The following LYST variants were observed in gnomAD, a reference collection of about 807,000 sequenced individuals.
The protein encoded by LYST is lysosomal-trafficking regulator.
Under a neutral mutation model 413.6 loss-of-function variants are expected in LYST, and 192 were observed. The ratio of observed to expected loss-of-function variants is 0.46; its 90% CI spans 0.41 to 0.52. LYST has a LOEUF of 0.52. Among genes scored for constraint, LYST ranks in the 20% least tolerant of loss-of-function variants. The pLI, the probability that LYST is intolerant of heterozygous loss-of-function variation, is 0.00. For synonymous variants in LYST, 1,525 were observed against 1,567.3 expected (o/e 0.97, Z 0.64); for missense variants, 3,815 against 4,499.9 (o/e 0.85, Z 4.35).
chr1:235,674,978 G>GA lies in LYST; in HGVS notation c.11038+2112dup, dbSNP rs933446448. On this transcript the variant is annotated intron_variant, in intron 50 of 52. Transcript: ENST00000389793. The surrounding 1 kb of genome is among the most constrained non-coding windows in gnomAD (Gnocchi z 4.1). ...TCGTGGATCAAGGCAAAGGCTTATAGAAAAAGCTCTTACCAAAACCTCTCT... is the reference window on the plus strand; with the variant it reads ...TCGTGGATCAAGGCAAAGGCTTATAGAAAAAAGCTCTTACCAAAACCTCTCT... 6.6e-6 allele frequency among the ~76,000 whole-genome samples: 1 copy of GA among 152,128 alleles called. No homozygotes were observed. Among genetic ancestry groups the GA allele is most frequent in the Admixed American group, 6.5e-5 (1 of 15,272 alleles).
intron 11 of LYST, among the ~76,000 whole-genome samples, chr1:235,792,386 C>A (rs1671098881): frequency 6.6e-6 from 1 of 151,998 alleles, no homozygotes; most frequent in Non-Finnish European, 1.5e-5. Flanking sequence ...ACAATCTCGG[C>A]TCACTGCAAC....
intron 16 of LYST, among the ~76,000 whole-genome samples, chr1:235,780,068 G>A (rs1465339541): frequency 6.6e-6 from 1 of 152,036 alleles, no homozygotes; most frequent in Non-Finnish European, 1.5e-5. Context: ...AGCAGAATTA[G>A]CAATACTTTG....
rs148820427 is a variant in LYST at position 235,835,319 on chromosome 1, T to C, written c.-97-1652A>G. On this transcript the variant is annotated intron_variant, in intron 1 of 52. Transcript: ENST00000389793. ...AACTGTAAGCCTAAAGATGGTATTATATTAGCTGCTCTGACTACTACCACC... is the reference window on the plus strand; with the variant it reads ...AACTGTAAGCCTAAAGATGGTATTACATTAGCTGCTCTGACTACTACCACC... 2.2e-3 allele frequency among the ~76,000 whole-genome samples: 341 copies of C among 152,326 alleles called. 1 individual carries two copies. Among genetic ancestry groups the C allele is most frequent in the Middle Eastern group, 0.017 (5 of 294 alleles).
At chr1:235,710,024 C>A (rs1310720868) in intron 43 of LYST, among the ~76,000 whole-genome samples, 1 of 152,130 alleles carries the variant, frequency 6.6e-6, no homozygotes, top group East Asian at 1.9e-4. Context: ...GGAAATGTTA[C>A]CTTTAAACAG....
At chr1:235,787,170 T>C (rs1031098079) in intron 14 of LYST, 30 bp downstream of exon 14, 4 of 1,547,194 alleles carry the variant, frequency 2.6e-6, no homozygotes, top group Non-Finnish European at 3.6e-6. Context: ...TAACTGAGAT[T>C]GAGATGCATT....
intron 18 of LYST, 116 bp from the exon 19 acceptor site, chr1:235,774,107 A>G: frequency 1.4e-6 from 1 of 729,844 alleles, no homozygotes. Flanking sequence ...AAGCTAGTAA[A>G]TAATTTAACA....
rs977863243 is a variant in LYST at position 235,679,169 on chromosome 1, G to A, written c.10801-1550C>T. Reference sequence around the variant, plus strand: ...ACCTTCACCTGAAAACAATCACAGCGACCAGATCAGCTTTTAACAACAGCA... The same window carrying A: ...ACCTTCACCTGAAAACAATCACAGCAACCAGATCAGCTTTTAACAACAGCA... On this transcript the variant is annotated intron_variant, in intron 48 of 52. Transcript: ENST00000389793. 4.6e-5 allele frequency among the ~76,000 whole-genome samples: 7 copies of A among 152,286 alleles called. No individual in the cohort carries two copies. The South Asian group carries it at 6.2e-4, about 14-fold the overall frequency.
chr1:235,753,483 C>T (rs1013409584), intron 25 of LYST, among the ~76,000 whole-genome samples: 1 of 152,146 alleles, frequency 6.6e-6, no homozygotes, highest in Non-Finnish European at 1.5e-5. Context: ...AAGATAAATA[C>T]ACAAACATTC....
At chr1:235,870,782 A>T (rs535673101), upstream of LYST, among the ~76,000 whole-genome samples, 1 of 152,368 alleles carries the variant, frequency 6.6e-6, no homozygotes, top group Admixed American at 6.5e-5. Flanking sequence ...CCTGGCACTT[A>T]GTAGGCACTC....
intron 39 of LYST, among the ~76,000 whole-genome samples, chr1:235,723,694 A>T (rs1041682412): frequency 6.6e-6 from 1 of 152,246 alleles, no homozygotes; most frequent in African/African-American, 2.4e-5. Context: ...GGCAGCAAGC[A>T]TATGCAACTT....
chr1:235,759,372 C>T lies in LYST; in HGVS notation c.6481G>A (p.Glu2161Lys). The T allele has an allele frequency of 6.2e-7, 1 of 1,614,166 alleles. No individual in the cohort carries two copies. Among genetic ancestry groups the T allele is most frequent in the Non-Finnish European group, 8.5e-7 (1 of 1,180,008 alleles). ...TCACAGCTACTGATGAATGCGTCCT[C>T]TTTGCCTTTTTTCAGTGTGTCGGAA... Reference protein sequence around the residue: ...GSSDTLKKGKEDAFISSCESA... With the variant: ...GSSDTLKKGKKDAFISSCESA... The change falls in exon 23 of 53, where the codon GAG (glutamate) becomes AAG (lysine). Residue 2161 changes from glutamate to lysine, a missense_variant. Around this residue, in one of 4 missense-constraint regions of LYST, gnomAD observed 771 missense variants for 837.1 expected, o/e 0.92. Transcript: ENST00000389793.
chr1:235,775,964 A>G (rs899228632), intron 17 of LYST, among the ~76,000 whole-genome samples: 3 of 152,174 alleles, frequency 2.0e-5, no homozygotes, highest in African/African-American at 2.4e-5. Context: ...TAAAAGTCTT[A>G]TTGGCAAGAT....
At chr1:235,763,515 A>AT (rs1411573401) in intron 21 of LYST, among the ~76,000 whole-genome samples, 4 of 151,976 alleles carry the variant, frequency 2.6e-5, no homozygotes, top group Non-Finnish European at 2.9e-5. Flanking sequence ...TGGTGGTGTG[A>AT]TCTTTGCTCA....
At chr1:235,777,957 C>G (rs544302313) in intron 16 of LYST, among the ~76,000 whole-genome samples, 2 of 151,836 alleles carry the variant, frequency 1.3e-5, no homozygotes, top group East Asian at 1.9e-4. Flanking sequence ...GTGTCTTGCT[C>G]TGGCACCCAG....
chr1:235,771,597 T>C (rs1205625960), intron 19 of LYST, among the ~76,000 whole-genome samples: 2 of 145,938 alleles, frequency 1.4e-5, no homozygotes, highest in Non-Finnish European at 3.0e-5. Context: ...ATCTATCTTA[T>C]CTTTTTTTTT....
intron 43 of LYST, among the ~76,000 whole-genome samples, chr1:235,711,540 C>T (rs931919462): frequency 1.3e-5 from 2 of 152,184 alleles, no homozygotes; most frequent in Non-Finnish European, 2.9e-5. Context: ...AGCTGCTCTT[C>T]TATTTAAGAA....
At position 235,770,048 on chromosome 1, in the gene LYST, G is replaced by GA. The variant is rs11443965; in HGVS notation, c.5922+111dup. 115,549 of 811,212 alleles carry GA rather than the reference G, an allele frequency of 0.14. 3,925 individuals are homozygous for GA. Among genetic ancestry groups the GA allele is most frequent in the African/African-American group, 0.24 (13,421 of 55,710 alleles). The allele number at this position is 811,212 out of a possible 1,614,324, so 50.3% of individuals were successfully genotyped here. ...AAGAAGAGAATCTGGAGAGAAGATG[G>GA]AAAAAAAAAAGAAAAAAAGTCCCAT... On this transcript the variant is annotated intron_variant, in intron 20 of 52. Transcript: ENST00000389793.
chr1:235,830,053 G>T (rs1034838724), intron 3 of LYST, 173 bp downstream of exon 3: 2 of 591,702 alleles, frequency 3.4e-6, no homozygotes, highest in Non-Finnish European at 6.0e-6. Flanking sequence ...CGTTTTGAAA[G>T]TATTCAAATA....
At chr1:235,754,395 G>A (rs1666806191) in intron 25 of LYST, among the ~76,000 whole-genome samples, 1 of 151,720 alleles carries the variant, frequency 6.6e-6, no homozygotes, top group African/African-American at 2.4e-5. Flanking sequence ...ACCACGCCCA[G>A]CAAATTTTGT....
Sources: gnomAD v4.1 joint callset for allele counts (sites outside exome capture counted in the v4.1 genomes callset) on GRCh38, gnomAD v4.1.1 for gene constraint, gnomAD v4.1.1 regional missense constraint, Gnocchi (gnomAD v3.1) non-coding constraint, MANE v1.5 for transcripts, NCBI Gene and HGNC (gene_info 2026-07-23, HGNC 2026-07-21) for gene names.